The following BRIP1 variants were observed in gnomAD, a reference collection of about 807,000 sequenced individuals.
The protein encoded by BRIP1 is Fanconi anemia group J protein.
Under a neutral mutation model 119.7 loss-of-function variants are expected in BRIP1, and 88 were observed. The observed-to-expected ratio is 0.74, with a 90% CI of 0.62 to 0.88. The LOEUF is 0.88. Among genes scored for constraint, BRIP1 ranks in the 40% least tolerant of loss-of-function variants. BRIP1 has a pLI of 0.00. For missense variants in BRIP1, 1,259 were observed against 1,455.4 expected, an observed-to-expected ratio of 0.87 and a Z score of 2.20; for synonymous variants, 443 against 496.5, an observed-to-expected ratio of 0.89 and a Z score of 1.43.
At position 61,808,973 on chromosome 17, in the gene BRIP1, C is replaced by G. The variant is rs888982383; in HGVS notation, c.628-216G>C. ...CTTTTAAAAGTTATAAATGATATTT[C>G]CAAATTTGCATTCTTTCCAACATAC... On this transcript the variant is annotated intron_variant, in intron 6 of 19. Transcript: ENST00000259008. The surrounding 1 kb of genome is among the most constrained non-coding windows in gnomAD (Gnocchi z 4.1). Among the ~76,000 whole-genome samples, 1 of 152,068 alleles carries G rather than the reference C, an allele frequency of 6.6e-6. No individual in the cohort carries two copies. Among genetic ancestry groups the G allele is most frequent in the Non-Finnish European group, 1.5e-5 (1 of 68,004 alleles).
At chr17:61,813,750 C>A (rs527366243) in intron 6 of BRIP1, among the ~76,000 whole-genome samples, 2 of 151,976 alleles carry the variant, frequency 1.3e-5, no homozygotes, top group Admixed American at 1.3e-4. Context: ...TTCATTCATT[C>A]ATTGACTCAA....
In BRIP1 at chr17:61,691,993, G is replaced by A. The variant is rs1291394245; in HGVS notation, c.2575+1437C>T. On this transcript the variant is annotated intron_variant, in intron 18 of 19. Coordinates refer to ENST00000259008, the MANE Select transcript of BRIP1 (RefSeq NM_032043.3). The surrounding 1 kb of genome is among the most constrained non-coding windows in gnomAD (Gnocchi z 5.0). ...CGGATCTTCAACAGGGTGTCATTGG[G>A]GATTGATATGCTTTGGTTATTTGTT... is the stretch of plus-strand genomic sequence containing the variant. Among the ~76,000 whole-genome samples the A allele has an allele frequency of 4.6e-5, 7 of 151,964 alleles. No individual in the cohort carries two copies. Among genetic ancestry groups the A allele is most frequent in the Admixed American group, 4.6e-4 (7 of 15,280 alleles).
At chr17:61,749,612 A>G (rs572939817) in intron 14 of BRIP1, among the ~76,000 whole-genome samples, 5 of 152,318 alleles carry the variant, frequency 3.3e-5, no homozygotes, top group African/African-American at 9.6e-5. Flanking sequence ...CTATTAGTGA[A>G]GATGTTGTGA....
chr17:61,709,782 G>A lies in BRIP1; in HGVS notation c.2492+6169C>T, dbSNP rs1473609368. On this transcript the variant is annotated intron_variant, in intron 17 of 19. Transcript: ENST00000259008. This position sits in a 1 kb window ranked among gnomAD's most constrained non-coding sequence, Gnocchi z 5.0. ...TAGTTAGAAAACTCATAGTGCAGTT[G>A]TAACCTGGTTGCAAAACCATCTTGT... Among the ~76,000 whole-genome samples, 1 of 152,140 alleles carries A rather than the reference G, an allele frequency of 6.6e-6. No homozygotes were observed. The highest frequency in any genetic ancestry group is 6.5e-5 in the Admixed American group (1 of 15,274).
rs2076813434 is a variant in BRIP1 at position 61,729,363 on chromosome 17, G to A, written c.2380-13300C>T. Among the ~76,000 whole-genome samples the A allele has an allele frequency of 6.6e-6, 1 of 152,092 alleles. No homozygotes were observed. The highest frequency in any genetic ancestry group is 2.4e-5 in the African/African-American group (1 of 41,416). ...CAGTGAACAGTATTTTCATAGTCAT[G>A]ATAATGTACATAATAACTATAGATT... On this transcript the variant is annotated intron_variant, in intron 16 of 19. Coordinates refer to ENST00000259008, the MANE Select transcript of BRIP1 (RefSeq NM_032043.3). This position sits in a 1 kb window ranked among gnomAD's most constrained non-coding sequence, Gnocchi z 5.6.
chr17:61,765,415 ATATATATATTTTTTTTTTTTTTTTTT>A (rs2077353790), intron 14 of BRIP1, among the ~76,000 whole-genome samples: 4 of 13,688 alleles, frequency 2.9e-4, no homozygotes, highest in African/African-American at 1.2e-3. Context: ...ATATATATAT[ATATATATATTTTTTTTTTTTTTTTTT>A]TTTTTTTTTT....
At chr17:61,741,016 T>C (rs2076980117) in intron 16 of BRIP1, among the ~76,000 whole-genome samples, 1 of 152,204 alleles carries the variant, frequency 6.6e-6, no homozygotes, top group Non-Finnish European at 1.5e-5. Context: ...TAAAACTTCT[T>C]TCAAAATTGG....
At position 61,808,943 on chromosome 17, in the gene BRIP1, T is replaced by A. The variant is rs928608950; in HGVS notation, c.628-186A>T. Among the ~76,000 whole-genome samples, 2 of 152,196 alleles carry A rather than the reference T, an allele frequency of 1.3e-5. No homozygotes were observed. The highest frequency in any genetic ancestry group is 4.8e-5 in the African/African-American group (2 of 41,458). ...ACTACAATTTAAAATTGGTCCTCAT[T>A]CTTTCTTTTAAAAGTTATAAATGAT... On this transcript the variant is annotated intron_variant, in intron 6 of 19. Transcript: ENST00000259008. The surrounding 1 kb of genome is among the most constrained non-coding windows in gnomAD (Gnocchi z 4.1).
At position 61,810,432 on chromosome 17, in the gene BRIP1, A is replaced by C. The variant is rs533095898; in HGVS notation, c.628-1675T>G. Reference sequence around the variant, plus strand: ...GATCACATTAATCAATTAACATACAAAAAGAATTAAGGTAACTCAATTAGA... The same window carrying C: ...GATCACATTAATCAATTAACATACACAAAGAATTAAGGTAACTCAATTAGA... On this transcript the variant is annotated intron_variant, in intron 6 of 19. Coordinates refer to ENST00000259008, the MANE Select transcript of BRIP1 (RefSeq NM_032043.3). This position sits in a 1 kb window ranked among gnomAD's most constrained non-coding sequence, Gnocchi z 4.7. Among the ~76,000 whole-genome samples, 6 of 152,208 alleles carry C rather than the reference A, an allele frequency of 3.9e-5. No individual in the cohort carries two copies. Among genetic ancestry groups the C allele is most frequent in the Non-Finnish European group, 7.3e-5 (5 of 68,034 alleles).
intron 10 of BRIP1, among the ~76,000 whole-genome samples, chr17:61,786,176 AAGAG>A (rs1206790464): frequency 6.6e-6 from 1 of 151,892 alleles, no homozygotes; most frequent in African/African-American, 2.4e-5. Context: ...GCAAAGGAAG[AAGAG>A]AGAGCGCATG....
In BRIP1 at chr17:61,699,965, G is replaced by T. The variant is rs1193393190; in HGVS notation, c.2493-6453C>A. 6.6e-6 allele frequency among the ~76,000 whole-genome samples: 1 copy of T among 152,140 alleles called. No homozygotes were observed. The highest frequency in any genetic ancestry group is 1.9e-4 in the East Asian group (1 of 5,184). The stretch of plus-strand genomic sequence containing the variant: ...AAGTGTGTCCTGTGTAACTGCACTG[G>T]GAGAGGACACTTGGAAGCTTAAGAC... On this transcript the variant is annotated intron_variant, in intron 17 of 19. Transcript: ENST00000259008. The surrounding 1 kb of genome is among the most constrained non-coding windows in gnomAD (Gnocchi z 4.8).
At chr17:61,697,507 T>G (rs1166800226) in intron 17 of BRIP1, among the ~76,000 whole-genome samples, 1 of 152,096 alleles carries the variant, frequency 6.6e-6, no homozygotes, top group African/African-American at 2.4e-5. Flanking sequence ...TGTAAGGTAG[T>G]AACATCCCCT....
rs2077439606 is a variant in BRIP1, at chr17:61,770,982, A to T, written c.2097+5419T>A. ...TAAACACTCAAGTTAAAAGGCAGAG[A>T]TAAGCAGAATGAATTTTTCAAATGC... is the stretch of plus-strand genomic sequence containing the variant. On this transcript the variant is annotated intron_variant, in intron 14 of 19. Coordinates refer to ENST00000259008, the MANE Select transcript of BRIP1 (RefSeq NM_032043.3). This position sits in a 1 kb window ranked among gnomAD's most constrained non-coding sequence, Gnocchi z 4.7. Among the ~76,000 whole-genome samples the T allele has an allele frequency of 6.6e-6, 1 of 152,232 alleles. No individual in the cohort carries two copies. Among genetic ancestry groups the T allele is most frequent in the Admixed American group, 6.5e-5 (1 of 15,288 alleles).
At position 61,852,330 on chromosome 17, in the gene BRIP1, G is replaced by A. The variant is rs1369700385; in HGVS notation, c.380-3074C>T. Among the ~76,000 whole-genome samples the A allele has an allele frequency of 1.3e-5, 2 of 152,034 alleles. No individual in the cohort carries two copies. The highest frequency in any genetic ancestry group is 2.9e-5 in the Non-Finnish European group (2 of 68,000). On this transcript the variant is annotated intron_variant, in intron 4 of 19. Coordinates refer to ENST00000259008, the MANE Select transcript of BRIP1 (RefSeq NM_032043.3). The surrounding 1 kb of genome is among the most constrained non-coding windows in gnomAD (Gnocchi z 4.9). ...GTTAAAAAGAAAGAAGATATCTCCC[G>A]ATTATGTTTTTTTAAAATCTTCAAG...
rs74268880 is a variant in BRIP1, at chr17:61,780,238, C to CAA, written c.1935+21_1935+22dup. The CAA allele has an allele frequency of 1.9e-4, 240 of 1,286,816 alleles. No homozygotes were observed. Among genetic ancestry groups the CAA allele is most frequent in the East Asian group, 2.5e-4 (9 of 36,282 alleles). 79.7% of individuals were successfully genotyped at this position (1,286,816 alleles called of 1,614,324 possible). ...TGAAGTAGAAACACTGAAGGCCTTC[C>CAA]AAAAAAAAAAACAACAACTAACCTG... On this transcript the variant is annotated intron_variant, in intron 13 of 19. Coordinates refer to ENST00000259008, the MANE Select transcript of BRIP1 (RefSeq NM_032043.3). This position sits in a 1 kb window ranked among gnomAD's most constrained non-coding sequence, Gnocchi z 5.4.
rs1456578260 is a variant in BRIP1 at position 61,789,558 on chromosome 17, A to T, written c.1473+4039T>A. ...AGGATAAGAAAAGACTGCTTAAAGT[A>T]AATTCAAAAACCACAATTCATAAGG... On this transcript the variant is annotated intron_variant, in intron 10 of 19. Transcript: ENST00000259008. The surrounding 1 kb of genome is among the most constrained non-coding windows in gnomAD (Gnocchi z 4.8). Among the ~76,000 whole-genome samples, 1 of 152,182 alleles carries T rather than the reference A, an allele frequency of 6.6e-6. No individual in the cohort carries two copies. The highest frequency in any genetic ancestry group is 2.4e-5 in the African/African-American group (1 of 41,452).
chr17:61,840,219 C>T (rs1389292735), intron 6 of BRIP1, among the ~76,000 whole-genome samples: 3 of 151,698 alleles, frequency 2.0e-5, no homozygotes, highest in South Asian at 4.2e-4. Context: ...ATGAGCTGGG[C>T]GTGGTGTCAG....
At chr17:61,779,712 T>C (rs2077584854) in intron 13 of BRIP1, among the ~76,000 whole-genome samples, 1 of 152,076 alleles carries the variant, frequency 6.6e-6, no homozygotes, top group South Asian at 2.1e-4. Context: ...TCCCAACACT[T>C]TGGGAGGCTG....
rs1257283419 is a variant in BRIP1 at position 61,842,724 on chromosome 17, A to AGCT, written c.627+4374_627+4376dup. On this transcript the variant is annotated intron_variant, in intron 6 of 19. Coordinates refer to ENST00000259008, the MANE Select transcript of BRIP1 (RefSeq NM_032043.3). This position sits in a 1 kb window ranked among gnomAD's most constrained non-coding sequence, Gnocchi z 5.1. ...CATCTGCTGCTGTTACTACTACTAC[A>AGCT]GCTGCTGCTACTTCTACTACCACTT... Among the ~76,000 whole-genome samples the AGCT allele has an allele frequency of 6.6e-6, 1 of 152,212 alleles. No individual in the cohort carries two copies. The highest frequency in any genetic ancestry group is 1.5e-5 in the Non-Finnish European group (1 of 68,036).
Sources: allele counts gnomAD v4.1 joint callset (sites outside exome capture counted in the v4.1 genomes callset), GRCh38; gene constraint gnomAD v4.1.1; non-coding constraint Gnocchi (gnomAD v3.1); transcripts MANE v1.5; gene names NCBI Gene and HGNC (gene_info 2026-07-23, HGNC 2026-07-21).